Variants in TMEM178B observed in about 807,000 individuals in gnomAD.
TMEM178B encodes the protein transmembrane protein 178B.
A neutral mutation model predicts 31.0 loss-of-function variants in TMEM178B; 5 were observed. The ratio of observed to expected loss-of-function variants is 0.16; its 90% CI spans 0.08 to 0.34. TMEM178B has a LOEUF of 0.34. TMEM178B is among the 10% of genes least tolerant of loss of function. The probability of loss-of-function intolerance (pLI) is 1.00; values close to 1 mark genes in which losing one functional copy is unlikely to be tolerated. For missense variants in TMEM178B, 275 were observed against 400.3 expected (o/e 0.69, Z 2.67); for synonymous variants, 164 against 164.0 (o/e 1.00, Z 0.00).
At position 141,190,476 on chromosome 7, in the gene TMEM178B, AT is replaced by A. The variant is rs879566403; in HGVS notation, c.383-22102del. 6.1e-3 allele frequency among the ~76,000 whole-genome samples: 878 copies of A among 144,328 alleles called. 8 individuals carry two copies. Among genetic ancestry groups the A allele is most frequent in the African/African-American group, 0.016 (632 of 39,638 alleles). 94.7% of individuals were successfully genotyped at this position (144,328 alleles called of 152,430 possible). On this transcript the variant is annotated intron_variant, in intron 1 of 3. Coordinates refer to ENST00000565468, the MANE Select transcript of TMEM178B (RefSeq NM_001195278.2). ...CTACAGTCATGTGCCACTGTGGCTA[AT>A]TTTTTTTTTTTTATATAGAGATGAA...
At chr7:141,350,077 G>A (rs1015093310) in intron 2 of TMEM178B, among the ~76,000 whole-genome samples, 9 of 151,876 alleles carry the variant, frequency 5.9e-5, no homozygotes, top group African/African-American at 1.9e-4. Flanking sequence ...CCTCCTATAT[G>A]CCTGACACTG....
intron 2 of TMEM178B, among the ~76,000 whole-genome samples, chr7:141,295,278 G>T (rs988588592): frequency 6.6e-6 from 1 of 152,188 alleles, no homozygotes; most frequent in Non-Finnish European, 1.5e-5. Context: ...CTCCACCATG[G>T]TTAAGTGAAT....
the TMEM178B span, among the ~76,000 whole-genome samples, chr7:141,509,841 T>A: frequency 6.6e-6 from 1 of 152,206 alleles, no homozygotes; most frequent in Non-Finnish European, 1.5e-5. Flanking sequence ...CCTCTCACTG[T>A]CATGTTTCAG....
At chr7:141,227,690 A>G (rs1054678232) in intron 2 of TMEM178B, among the ~76,000 whole-genome samples, 1 of 152,158 alleles carries the variant, frequency 6.6e-6, no homozygotes, top group African/African-American at 2.4e-5. Context: ...CTCTGAGAGA[A>G]TGGGTCTGGA....
At chr7:141,249,661 T>A (rs1246763509) in intron 2 of TMEM178B, among the ~76,000 whole-genome samples, 16 of 152,312 alleles carry the variant, frequency 1.1e-4, no homozygotes, top group Admixed American at 5.2e-4. Flanking sequence ...AAGGGGCTCA[T>A]GTGCCTGGCC....
chr7:141,491,986 G>T, the TMEM178B span, among the ~76,000 whole-genome samples: 1 of 152,122 alleles, frequency 6.6e-6, no homozygotes, highest in Non-Finnish European at 1.5e-5. Flanking sequence ...TCTGATCACA[G>T]CACTCCTAGG....
At chr7:141,156,299 A>C (rs1446275711) in intron 1 of TMEM178B, among the ~76,000 whole-genome samples, 1 of 152,156 alleles carries the variant, frequency 6.6e-6, no homozygotes, top group Non-Finnish European at 1.5e-5. Context: ...GGTCTTTTCC[A>C]GCCCTACTAT....
At chr7:141,441,835 G>A (rs1389578714) in intron 3 of TMEM178B, among the ~76,000 whole-genome samples, 1 of 152,204 alleles carries the variant, frequency 6.6e-6, no homozygotes, top group Non-Finnish European at 1.5e-5. Flanking sequence ...GGTCAAAGTA[G>A]GGGCACCCTG....
At chr7:141,380,655 G>A (rs1018747969) in intron 2 of TMEM178B, among the ~76,000 whole-genome samples, 1 of 152,134 alleles carries the variant, frequency 6.6e-6, no homozygotes, top group African/African-American at 2.4e-5. Context: ...TTATTTATAT[G>A]TGTGTATGTG....
At chr7:141,123,684 T>G (rs2129176715) in intron 1 of TMEM178B, among the ~76,000 whole-genome samples, 1 of 152,312 alleles carries the variant, frequency 6.6e-6, no homozygotes, top group African/African-American at 2.4e-5. Flanking sequence ...ACTCTGAGGC[T>G]CTTGGCTGAT....
chr7:141,116,897 T>G (rs1323747519), intron 1 of TMEM178B, among the ~76,000 whole-genome samples: 2 of 152,256 alleles, frequency 1.3e-5, no homozygotes, highest in Admixed American at 1.3e-4. Flanking sequence ...GTGCCACATT[T>G]TCTTTATCCA....
intron 1 of TMEM178B, among the ~76,000 whole-genome samples, chr7:141,099,216 C>T (rs978593020): frequency 7.9e-5 from 12 of 152,084 alleles, no homozygotes; most frequent in African/African-American, 2.9e-4. Context: ...ATTGGCAGAC[C>T]CTGTATTATT....
At chr7:141,158,860 A>G (rs1017663959) in intron 1 of TMEM178B, among the ~76,000 whole-genome samples, 1 of 152,092 alleles carries the variant, frequency 6.6e-6, no homozygotes, top group Non-Finnish European at 1.5e-5. Context: ...CCTCTTGATG[A>G]GTCACTTTCT....
chr7:141,142,076 T>G (rs573561934), intron 1 of TMEM178B, among the ~76,000 whole-genome samples: 1 of 152,332 alleles, frequency 6.6e-6, no homozygotes, highest in South Asian at 2.1e-4. Flanking sequence ...CTGTCTCCAA[T>G]GTCTATTGTT....
chr7:141,486,321 GGA>G, the TMEM178B span, among the ~76,000 whole-genome samples: 1 of 152,146 alleles, frequency 6.6e-6, no homozygotes, highest in Non-Finnish European at 1.5e-5. Context: ...TTCAGGTGAT[GGA>G]TACCCTTAAA....
intron 3 of TMEM178B, among the ~76,000 whole-genome samples, chr7:141,445,382 A>C (rs1801734699): frequency 6.6e-6 from 1 of 152,230 alleles, no homozygotes; most frequent in African/African-American, 2.4e-5. Flanking sequence ...TCTTTTAGAC[A>C]GTAAAATGAT....
the TMEM178B span, among the ~76,000 whole-genome samples, chr7:141,505,112 A>G: frequency 6.6e-6 from 1 of 152,234 alleles, no homozygotes; most frequent in African/African-American, 2.4e-5. Flanking sequence ...GAAGATTTGT[A>G]TTTTTATGCA....
chr7:141,180,251 G>A (rs1796499014), intron 1 of TMEM178B, among the ~76,000 whole-genome samples: 1 of 152,112 alleles, frequency 6.6e-6, no homozygotes, highest in Admixed American at 6.5e-5. Flanking sequence ...GAGGCTGGTC[G>A]ATCACCTGAG....
At chr7:141,214,139 T>C (rs1184772393) in intron 2 of TMEM178B, among the ~76,000 whole-genome samples, 1 of 152,246 alleles carries the variant, frequency 6.6e-6, no homozygotes. Flanking sequence ...CAATAGCTGC[T>C]TATTTCCCAC....
Sources: allele counts gnomAD v4.1 joint callset (sites outside exome capture counted in the v4.1 genomes callset), GRCh38; gene constraint gnomAD v4.1.1; transcripts MANE v1.5; gene names NCBI Gene and HGNC (gene_info 2026-07-23, HGNC 2026-07-21).